Variants in FBN2 observed in about 807,000 individuals in gnomAD.
The protein encoded by FBN2 is fibrillin-2.
FBN2 carries 105 observed loss-of-function variants against 355.6 expected under a neutral mutation model. The observed-to-expected ratio is 0.30, with a 90% CI of 0.25 to 0.35. FBN2 has a LOEUF of 0.35. Among genes scored for constraint, FBN2 ranks in the 10% least tolerant of loss-of-function variants. FBN2 has a pLI of 1.00. For synonymous variants in FBN2, 1,350 were observed against 1,301.2 expected (o/e 1.04, Z -0.81); for missense variants, 3,280 against 3,758.7 (o/e 0.87, Z 3.33).
chr5:128,534,595 T>G (rs886866308), intron 2 of FBN2, among the ~76,000 whole-genome samples: 5 of 152,270 alleles, frequency 3.3e-5, no homozygotes, highest in African/African-American at 7.2e-5. Flanking sequence ...CATAGATTTC[T>G]GATACGTGTA....
intron 55 of FBN2, among the ~76,000 whole-genome samples, chr5:128,280,774 G>A (rs1262640528): frequency 1.3e-5 from 2 of 152,104 alleles, no homozygotes; most frequent in Non-Finnish European, 2.9e-5. Flanking sequence ...AATTGGTTTT[G>A]AGTAAAATCA....
intron 5 of FBN2, among the ~76,000 whole-genome samples, chr5:128,474,781 T>C (rs1476884293): frequency 6.6e-6 from 1 of 152,212 alleles, no homozygotes; most frequent in Non-Finnish European, 1.5e-5. Flanking sequence ...TCTATGATTC[T>C]GTCCTGGCAT....
At chr5:128,478,605 CA>C (rs1240116526) in intron 5 of FBN2, among the ~76,000 whole-genome samples, 1 of 152,202 alleles carries the variant, frequency 6.6e-6, no homozygotes, top group Admixed American at 6.5e-5. Context: ...TAAATGCCTA[CA>C]ACTGATGAAT....
intron 20 of FBN2, 143 bp from the exon 21 acceptor site, chr5:128,351,148 T>A: frequency 1.0e-6 from 1 of 985,356 alleles, no homozygotes. Flanking sequence ...TTTGGGAGGC[T>A]GAGGAGGAAG....
intron 6 of FBN2, among the ~76,000 whole-genome samples, chr5:128,454,823 C>T (rs1320463215): frequency 1.3e-5 from 2 of 152,140 alleles, no homozygotes; most frequent in Non-Finnish European, 2.9e-5. Context: ...TATGTGAATT[C>T]CTGTGCATTT....
intron 61 of FBN2, among the ~76,000 whole-genome samples, chr5:128,272,487 A>ATATATAT (rs1561741150): frequency 5.8e-5 from 5 of 85,618 alleles, no homozygotes; most frequent in East Asian, 3.7e-4. Flanking sequence ...TATATATATA[A>ATATATAT]AATATATTTG....
intron 51 of FBN2, among the ~76,000 whole-genome samples, chr5:128,289,670 T>C (rs1473557013): frequency 1.3e-5 from 2 of 152,152 alleles, no homozygotes; most frequent in Non-Finnish European, 2.9e-5. Flanking sequence ...TTGTAAATAC[T>C]TCTTTTGTCA....
At chr5:128,434,354 C>A (rs867920081) in intron 7 of FBN2, among the ~76,000 whole-genome samples, 2 of 133,868 alleles carry the variant, frequency 1.5e-5, no homozygotes, top group Non-Finnish European at 3.1e-5. Flanking sequence ...TGTCTCCAGA[C>A]CTGCATACAT....
At position 128,338,129 on chromosome 5, in the gene FBN2, G is replaced by A. The variant is rs1750895409; in HGVS notation, c.3473-7C>T. On this transcript the variant is annotated splice_region_variant and splice_polypyrimidine_tract_variant and intron_variant, in intron 26 of 64. Transcript: ENST00000262464. The stretch of plus-strand genomic sequence containing the variant: ...CGTTCACATTCGTCAATGTCTGAAA[G>A]GTAAAAACGTGAGATCCATTAAAGA... 2 of 1,613,470 alleles carry A rather than the reference G, an allele frequency of 1.2e-6. No individual in the cohort carries two copies. The highest frequency in any genetic ancestry group is 2.2e-5 in the East Asian group (1 of 44,878).
At chr5:128,265,177 T>C (rs780252240) in intron 62 of FBN2, among the ~76,000 whole-genome samples, 1 of 152,222 alleles carries the variant, frequency 6.6e-6, no homozygotes, top group Non-Finnish European at 1.5e-5. Flanking sequence ...AATTCTGCCA[T>C]AAAGCCTCAT....
chr5:128,286,918 T>G, intron 54 of FBN2, 69 bp from the exon 55 acceptor site: 3 of 1,408,030 alleles, frequency 2.1e-6, no homozygotes, highest in Non-Finnish European at 2.9e-6. Flanking sequence ...AAGTCACAGG[T>G]GTGGTCTTCT....
intron 54 of FBN2, 114 bp downstream of exon 54, chr5:128,287,192 CAT>C (rs1011220308): frequency 7.3e-6 from 9 of 1,230,848 alleles, no homozygotes; most frequent in East Asian, 2.3e-5. Flanking sequence ...AAAATGCTGT[CAT>C]ATATATATTT....
intron 34 of FBN2, 124 bp downstream of exon 34, chr5:128,328,572 A>T: frequency 9.9e-7 from 1 of 1,005,162 alleles, no homozygotes; most frequent in African/African-American, 1.6e-5. Flanking sequence ...TAAACGAATG[A>T]CTTTTATAGT....
intron 5 of FBN2, among the ~76,000 whole-genome samples, chr5:128,480,663 T>C (rs1755158902): frequency 6.6e-6 from 1 of 152,074 alleles, no homozygotes; most frequent in African/African-American, 2.4e-5. Flanking sequence ...TGAGCCAAGA[T>C]TGCGCCATTG....
intron 48 of FBN2, among the ~76,000 whole-genome samples, chr5:128,291,941 G>A (rs553980468): frequency 6.6e-6 from 1 of 152,132 alleles, no homozygotes; most frequent in Admixed American, 6.5e-5. Flanking sequence ...CATGTCTCAT[G>A]GGCATTGCAG....
In FBN2 at chr5:128,537,620, G is replaced by A; in HGVS notation, c.-17C>T. The A allele has an allele frequency of 6.2e-7, 1 of 1,604,940 alleles. No homozygotes were observed. The highest frequency in any genetic ancestry group is 2.2e-5 in the East Asian group (1 of 44,622). On this transcript the variant is annotated 5_prime_UTR_variant, in exon 1 of 65. Coordinates refer to ENST00000262464, the MANE Select transcript of FBN2 (RefSeq NM_001999.4). ...TCTCCCCATCGCCGGCGCCGAAAGC[G>A]CGCGGCCGTAGACCCGCGGAGAGGG...
chr5:128,467,755 G>A (rs931017301), intron 5 of FBN2, among the ~76,000 whole-genome samples: 10 of 152,128 alleles, frequency 6.6e-5, no homozygotes, highest in South Asian at 2.1e-4. Flanking sequence ...TATGTTACAC[G>A]TTATGACATG....
Position 128,423,574 on chromosome 5 carries a change from G to A in FBN2, c.953-14775C>T, listed in dbSNP as rs1235347377. 2.6e-5 allele frequency among the ~76,000 whole-genome samples: 4 copies of A among 152,150 alleles called. 1 individual carries two copies. The highest frequency in any genetic ancestry group is 5.9e-5 in the Non-Finnish European group (4 of 68,016). On this transcript the variant is annotated intron_variant, in intron 7 of 64. Coordinates refer to ENST00000262464, the MANE Select transcript of FBN2 (RefSeq NM_001999.4). ...TTGCAACTCAGGGTGAGATTTGGGT[G>A]GGGACACAGCCAAACCATATCACAA...
At chr5:128,319,554 A>C (rs542746193) in intron 34 of FBN2, among the ~76,000 whole-genome samples, 317 of 151,984 alleles carry the variant, frequency 2.1e-3, no homozygotes, top group African/African-American at 7.4e-3. Flanking sequence ...TTAACTTTTT[A>C]GTTTTTACTT....
Sources: gnomAD v4.1 joint callset for allele counts (sites outside exome capture counted in the v4.1 genomes callset) on GRCh38, gnomAD v4.1.1 for gene constraint, MANE v1.5 for transcripts, NCBI Gene and HGNC (gene_info 2026-07-23, HGNC 2026-07-21) for gene names.